ADORA2B: variants seen among roughly 807,000 people sequenced by gnomAD.
ADORA2B encodes adenosine A2b receptor.
Under a neutral mutation model 20.8 loss-of-function variants are expected in ADORA2B, and 18 were observed. That is an observed-to-expected ratio of 0.87 (90% CI 0.60 to 1.29). The LOEUF (loss-of-function observed/expected upper bound fraction) is 1.29, where lower values mean the gene tolerates loss of function less well. ADORA2B is among the 50% of genes most tolerant of loss of function. The pLI, the probability that ADORA2B is intolerant of heterozygous loss-of-function variation, is 0.00. For missense variants in ADORA2B, 441 were observed against 422.7 expected, an observed-to-expected ratio of 1.04 and a Z score of -0.38; for synonymous variants, 179 against 178.3, an observed-to-expected ratio of 1.00 and a Z score of -0.03.
the ADORA2B span, among the ~76,000 whole-genome samples, chr17:15,913,392 C>G: frequency 6.6e-6 from 1 of 152,192 alleles, no homozygotes; most frequent in Non-Finnish European, 1.5e-5. Context: ...GAATAAACAC[C>G]TCCGCATCCA....
chr17:15,930,616 C>G, the ADORA2B span, among the ~76,000 whole-genome samples: 2 of 152,168 alleles, frequency 1.3e-5, no homozygotes, highest in African/African-American at 4.8e-5. Flanking sequence ...TTCACTGACT[C>G]ATTTGCCACA....
chr17:15,853,813 G>C, the ADORA2B span, among the ~76,000 whole-genome samples: 2 of 152,212 alleles, frequency 1.3e-5, no homozygotes, highest in African/African-American at 2.4e-5. Context: ...CATTTAAGAG[G>C]CCAGTGTATC....
At chr17:15,856,743 C>T in the ADORA2B span, among the ~76,000 whole-genome samples, 1 of 152,226 alleles carries the variant, frequency 6.6e-6, no homozygotes, top group South Asian at 2.1e-4. Flanking sequence ...GCATTTTGCC[C>T]CTGCCTTAGA....
chr17:15,965,942 A>G (rs1970110428), intron 1 of ADORA2B, among the ~76,000 whole-genome samples: 1 of 152,196 alleles, frequency 6.6e-6, no homozygotes, highest in Non-Finnish European at 1.5e-5. Flanking sequence ...TTTAATATCC[A>G]TGGTGGCAGC....
chr17:15,923,065 C>A, the ADORA2B span, among the ~76,000 whole-genome samples: 2 of 151,782 alleles, frequency 1.3e-5, no homozygotes, highest in East Asian at 3.9e-4. Flanking sequence ...CTCTGTCACC[C>A]AGGCTGGAGT....
the ADORA2B span, among the ~76,000 whole-genome samples, chr17:15,874,646 C>T: frequency 3.9e-5 from 6 of 152,098 alleles, no homozygotes; most frequent in African/African-American, 1.4e-4. Context: ...GAACTGTGAT[C>T]GTGCTACCCT....
chr17:15,928,298 T>TG, the ADORA2B span, among the ~76,000 whole-genome samples: 1 of 150,620 alleles, frequency 6.6e-6, no homozygotes, highest in African/African-American at 2.4e-5. Flanking sequence ...AACAGAGAAA[T>TG]GGGGAGATCA....
chr17:15,956,637 C>G (rs1314265730), intron 1 of ADORA2B, among the ~76,000 whole-genome samples: 1 of 147,132 alleles, frequency 6.8e-6, no homozygotes, highest in Non-Finnish European at 1.5e-5. Context: ...CTCTTACTGC[C>G]CAGGCTGGAG....
chr17:15,972,875 C>G (rs1031021223), intron 1 of ADORA2B, among the ~76,000 whole-genome samples: 1 of 152,192 alleles, frequency 6.6e-6, no homozygotes, highest in African/African-American at 2.4e-5. Flanking sequence ...TCTCCCACTT[C>G]ATTCTCCCGA....
the ADORA2B span, among the ~76,000 whole-genome samples, chr17:15,864,562 C>G: frequency 6.6e-6 from 1 of 151,966 alleles, no homozygotes; most frequent in East Asian, 1.9e-4. Flanking sequence ...ATAGGGATTT[C>G]TTTTATTAGG....
the ADORA2B span, among the ~76,000 whole-genome samples, chr17:15,853,613 C>G: frequency 6.6e-6 from 1 of 152,120 alleles, no homozygotes; most frequent in Admixed American, 6.5e-5. Context: ...ACTTACTAAA[C>G]TGACATAAAA....
the ADORA2B span, among the ~76,000 whole-genome samples, chr17:15,887,043 G>A: frequency 7.7e-6 from 1 of 130,628 alleles, no homozygotes; most frequent in Admixed American, 7.5e-5. Flanking sequence ...TGCTGCGGGT[G>A]GGGCCTCCTG....
chr17:15,908,013 G>T, the ADORA2B span, among the ~76,000 whole-genome samples: 3 of 152,210 alleles, frequency 2.0e-5, no homozygotes, highest in Non-Finnish European at 2.9e-5. Context: ...GGAGCCTGGG[G>T]AATTAGAAAT....
chr17:15,857,772 G>A, the ADORA2B span, among the ~76,000 whole-genome samples: 19 of 151,974 alleles, frequency 1.3e-4, no homozygotes, highest in Non-Finnish European at 1.5e-5. Flanking sequence ...TTGTATCTTG[G>A]AGGTAACTGA....
the ADORA2B span, among the ~76,000 whole-genome samples, chr17:15,933,737 C>A: frequency 6.6e-6 from 1 of 151,850 alleles, no homozygotes; most frequent in Non-Finnish European, 1.5e-5. Flanking sequence ...TTTCTATATA[C>A]AAGATTATGG....
the ADORA2B span, among the ~76,000 whole-genome samples, chr17:15,886,875 C>T: frequency 6.2e-5 from 8 of 129,572 alleles, 1 homozygote; most frequent in Non-Finnish European, 1.1e-4. Flanking sequence ...CACTGGGTTT[C>T]GCCTGCCTTC....
chr17:15,905,360 A>G, the ADORA2B span, among the ~76,000 whole-genome samples: 1 of 151,934 alleles, frequency 6.6e-6, no homozygotes, highest in Non-Finnish European at 1.5e-5. Flanking sequence ...GGCATATAGG[A>G]TAACAGTTGA....
chr17:15,884,199 C>T, the ADORA2B span, among the ~76,000 whole-genome samples: 1 of 152,032 alleles, frequency 6.6e-6, no homozygotes, highest in East Asian at 1.9e-4. Flanking sequence ...CAGAACTTGC[C>T]GTCATCTGCA....
chr17:15,862,381 C>T, the ADORA2B span, among the ~76,000 whole-genome samples: 1 of 151,160 alleles, frequency 6.6e-6, no homozygotes, highest in Non-Finnish European at 1.5e-5. Flanking sequence ...TGACACCCAG[C>T]TAATTTTTGT....
Sources: gnomAD v4.1 joint callset for allele counts (sites outside exome capture counted in the v4.1 genomes callset) on GRCh38, gnomAD v4.1.1 for gene constraint, MANE v1.5 for transcripts, NCBI Gene and HGNC (gene_info 2026-07-23, HGNC 2026-07-21) for gene names.